CDH12: variants seen among roughly 807,000 people sequenced by gnomAD.
CDH12 encodes the protein cadherin-12.
In CDH12, 41 loss-of-function variants were observed where a neutral mutation model predicts 74.1. The ratio of observed to expected loss-of-function variants is 0.55; its 90% CI spans 0.43 to 0.72. The LOEUF (loss-of-function observed/expected upper bound fraction) is 0.72, where lower values mean the gene tolerates loss of function less well. Ranked by LOEUF, CDH12 falls within the 30% of genes least tolerant of loss-of-function variation. The pLI is 0.00. For missense variants in CDH12, 945 were observed against 977.2 expected (o/e 0.97, Z 0.44); for synonymous variants, 399 against 355.0 (o/e 1.12, Z -1.39).
intron 2 of CDH12, among the ~76,000 whole-genome samples, chr5:22,474,596 A>C (rs1305201855): frequency 2.6e-5 from 4 of 152,112 alleles, no homozygotes; most frequent in African/African-American, 9.7e-5. Context: ...GTGATGAACA[A>C]TGATTATTTC....
chr5:22,516,457 A>G (rs1015688545), intron 1 of CDH12, among the ~76,000 whole-genome samples: 1 of 152,176 alleles, frequency 6.6e-6, no homozygotes, highest in Non-Finnish European at 1.5e-5. Flanking sequence ...TGATATTGGT[A>G]GTTATAAAGT....
chr5:22,594,919 G>GAT (rs1438005416), intron 1 of CDH12, among the ~76,000 whole-genome samples: 1 of 151,990 alleles, frequency 6.6e-6, no homozygotes, highest in African/African-American at 2.4e-5. Flanking sequence ...AGCTATCTTG[G>GAT]ATTTACTTCT....
intron 4 of CDH12, among the ~76,000 whole-genome samples, chr5:22,105,633 G>T (rs1293547805): frequency 6.6e-6 from 1 of 151,660 alleles, no homozygotes; most frequent in Non-Finnish European, 1.5e-5. Flanking sequence ...AGGAGGCAGA[G>T]GTTGCAGTGG....
chr5:22,813,541 A>C (rs2126455087), intron 1 of CDH12, among the ~76,000 whole-genome samples: 1 of 152,216 alleles, frequency 6.6e-6, no homozygotes, highest in East Asian at 1.9e-4. Context: ...GGGCAGAGTA[A>C]GGATTTTGCT....
chr5:21,790,363 A>G (rs542676880), intron 10 of CDH12, among the ~76,000 whole-genome samples: 119 of 152,230 alleles, frequency 7.8e-4, no homozygotes, highest in African/African-American at 2.7e-3. Context: ...TCAATCCACT[A>G]GGATCCAATA....
At chr5:22,687,776 T>C (rs1040325637) in intron 1 of CDH12, among the ~76,000 whole-genome samples, 16 of 152,188 alleles carry the variant, frequency 1.1e-4, no homozygotes, top group Non-Finnish European at 1.5e-5. Flanking sequence ...TTCATTTGTA[T>C]ATTAAAGGCT....
chr5:21,770,090 A>G (rs1745238479), intron 11 of CDH12, among the ~76,000 whole-genome samples: 1 of 152,166 alleles, frequency 6.6e-6, no homozygotes. Flanking sequence ...ACTGAGTCAC[A>G]TTCAGAACTC....
intron 6 of CDH12, among the ~76,000 whole-genome samples, chr5:21,927,755 T>C (rs972326109): frequency 2.4e-4 from 36 of 151,980 alleles, no homozygotes; most frequent in South Asian, 8.3e-4. Context: ...TTTCAGAGTC[T>C]GGTTATTGGT....
chr5:21,862,470 C>T (rs1037540643), intron 6 of CDH12, among the ~76,000 whole-genome samples: 2 of 152,034 alleles, frequency 1.3e-5, no homozygotes, highest in East Asian at 3.9e-4. Flanking sequence ...TGGAACTGAG[C>T]CCCACTAAGT....
chr5:22,366,342 T>C (rs1269302900), intron 3 of CDH12, among the ~76,000 whole-genome samples: 1 of 152,040 alleles, frequency 6.6e-6, no homozygotes, highest in Non-Finnish European at 1.5e-5. Context: ...CCCTTTAATA[T>C]ACCTATATAT....
rs531343709 is a variant in CDH12 at position 22,436,715 on chromosome 5, G to GA, written c.-427-31365dup. Among the ~76,000 whole-genome samples, 42 of 151,684 alleles carry GA rather than the reference G, an allele frequency of 2.8e-4. 1 individual carries two copies. In the South Asian group the frequency reaches 7.9e-3, roughly 29 times the overall value. On this transcript the variant is annotated intron_variant, in intron 2 of 14. Coordinates refer to ENST00000382254, the MANE Select transcript of CDH12 (RefSeq NM_004061.5). ...CCATGCTTTTAAGAAAAACAATATA[G>GA]AAAAAAAATAAAACCCATTTTTGTT...
At chr5:22,799,708 A>G (rs946458154) in intron 1 of CDH12, among the ~76,000 whole-genome samples, 3 of 152,204 alleles carry the variant, frequency 2.0e-5, no homozygotes, top group Non-Finnish European at 4.4e-5. Flanking sequence ...TACTCCCCAC[A>G]TTCATTTAAT....
At chr5:22,359,183 C>G (rs1740692459) in intron 3 of CDH12, among the ~76,000 whole-genome samples, 1 of 152,058 alleles carries the variant, frequency 6.6e-6, no homozygotes, top group Admixed American at 6.6e-5. Context: ...TTCAGGAAAC[C>G]CATTTCATGT....
intron 1 of CDH12, among the ~76,000 whole-genome samples, chr5:22,513,760 A>G: frequency 6.6e-6 from 1 of 152,054 alleles, no homozygotes; most frequent in Non-Finnish European, 1.5e-5. Flanking sequence ...AGTCTAGCCA[A>G]CACGGTGAAA....
chr5:22,375,999 C>T (rs1407997249), intron 3 of CDH12, among the ~76,000 whole-genome samples: 1 of 152,152 alleles, frequency 6.6e-6, no homozygotes, highest in Non-Finnish European at 1.5e-5. Flanking sequence ...ACCAAGGGGA[C>T]ACCTGCACTT....
rs1279850616 is a variant in CDH12, at chr5:21,804,017, C to T, written c.1003-1597G>A. Among the ~76,000 whole-genome samples the T allele has an allele frequency of 4.6e-5, 7 of 152,240 alleles. No individual in the cohort carries two copies. The East Asian group carries it at 7.7e-4, about 17-fold the overall frequency. On this transcript the variant is annotated intron_variant, in intron 9 of 14. Coordinates refer to ENST00000382254, the MANE Select transcript of CDH12 (RefSeq NM_004061.5). ...TCTTTCACCATACTTTTTTATGCAGCAGGAACTATATTTATTAATTCCCTA... is the reference window on the plus strand; with the variant it reads ...TCTTTCACCATACTTTTTTATGCAGTAGGAACTATATTTATTAATTCCCTA...
intron 1 of CDH12, among the ~76,000 whole-genome samples, chr5:22,552,433 CTT>C (rs753291877): frequency 7.9e-5 from 11 of 139,264 alleles, no homozygotes; most frequent in Admixed American, 7.2e-5. Context: ...ATTTTCTTTT[CTT>C]TTTTTTTTTT....
At chr5:22,187,836 G>A (rs1341067539) in intron 4 of CDH12, among the ~76,000 whole-genome samples, 1 of 152,130 alleles carries the variant, frequency 6.6e-6, no homozygotes, top group Non-Finnish European at 1.5e-5. Flanking sequence ...AAGTATACAC[G>A]CGCTGTTCAT....
chr5:22,713,921 T>A (rs1375607267), intron 1 of CDH12, among the ~76,000 whole-genome samples: 1 of 152,192 alleles, frequency 6.6e-6, no homozygotes, highest in Non-Finnish European at 1.5e-5. Flanking sequence ...TATATTCCCA[T>A]CCTCATCCAT....
Sources: allele counts gnomAD v4.1 joint callset (sites outside exome capture counted in the v4.1 genomes callset), GRCh38; gene constraint gnomAD v4.1.1; transcripts MANE v1.5; gene names NCBI Gene and HGNC (gene_info 2026-07-23, HGNC 2026-07-21).